FSTL4: variants seen among roughly 807,000 people sequenced by gnomAD.
The protein encoded by FSTL4 is follistatin like 4, also known as follistatin-related protein 4.
FSTL4 carries 28 observed loss-of-function variants against 78.2 expected under a neutral mutation model. The observed-to-expected ratio is 0.36, with a 90% CI of 0.27 to 0.49. The LOEUF (loss-of-function observed/expected upper bound fraction) is 0.49, where lower values mean the gene tolerates loss of function less well. Ranked by LOEUF, FSTL4 falls within the 20% of genes least tolerant of loss-of-function variation. FSTL4 has a pLI of 0.98. For missense variants in FSTL4, 922 were observed against 1,084.9 expected (o/e 0.85, Z 2.11); for synonymous variants, 422 against 440.5 (o/e 0.96, Z 0.53).
At chr5:133,404,554 G>A (rs953502103) in intron 3 of FSTL4, among the ~76,000 whole-genome samples, 10 of 152,252 alleles carry the variant, frequency 6.6e-5, no homozygotes, top group Middle Eastern at 3.4e-3. Flanking sequence ...ACATTATGGC[G>A]GCAGGAGAAA....
At position 133,461,575 on chromosome 5, in the gene FSTL4, C is replaced by T. The variant is rs31338; in HGVS notation, c.161-60589G>A. ...CAAACAAACAAACAAACAAACCCTCCGAATTAGCAAAGAAATTCTACGGAA... is the reference window on the plus strand; with the variant it reads ...CAAACAAACAAACAAACAAACCCTCTGAATTAGCAAAGAAATTCTACGGAA... On this transcript the variant is annotated intron_variant, in intron 3 of 15. Transcript: ENST00000265342. Among the ~76,000 whole-genome samples the T allele has an allele frequency of 9.5e-4, 144 of 152,026 alleles. 3 individuals are homozygous for T. In the South Asian group the frequency reaches 0.029, roughly 30 times the overall value.
chr5:133,334,675 A>G (rs1754425307), intron 4 of FSTL4, among the ~76,000 whole-genome samples: 1 of 152,220 alleles, frequency 6.6e-6, no homozygotes, highest in South Asian at 2.1e-4. Context: ...GAAAGACAGC[A>G]GTTGCTTTGA....
At chr5:133,449,738 T>C (rs1435114839) in intron 3 of FSTL4, among the ~76,000 whole-genome samples, 2 of 152,178 alleles carry the variant, frequency 1.3e-5, no homozygotes, top group African/African-American at 4.8e-5. Flanking sequence ...GTGTTCCCTG[T>C]TGGGTGCGCT....
chr5:133,814,868 GT>G, the FSTL4 span, among the ~76,000 whole-genome samples: 2 of 152,338 alleles, frequency 1.3e-5, no homozygotes, highest in South Asian at 4.2e-4. Context: ...GTTCTAAACT[GT>G]GCCCTAAGTG....
chr5:133,414,734 A>G (rs1259536940), intron 3 of FSTL4, among the ~76,000 whole-genome samples: 1 of 152,236 alleles, frequency 6.6e-6, no homozygotes, highest in Non-Finnish European at 1.5e-5. Flanking sequence ...TTCGAGGTAA[A>G]TACCGGGGTA....
chr5:133,313,555 C>A (rs987033825), intron 5 of FSTL4, among the ~76,000 whole-genome samples: 1 of 151,846 alleles, frequency 6.6e-6, no homozygotes, highest in Non-Finnish European at 1.5e-5. Flanking sequence ...CCAGTGTGCT[C>A]GGAACTGAAG....
intron 3 of FSTL4, among the ~76,000 whole-genome samples, chr5:133,467,733 A>G (rs1757745722): frequency 6.6e-6 from 1 of 152,076 alleles, no homozygotes; most frequent in African/African-American, 2.4e-5. Flanking sequence ...ACCCCGATGG[A>G]GCACACGGCT....
chr5:133,637,975 AATAAATT>A, the FSTL4 span, among the ~76,000 whole-genome samples: 1 of 151,118 alleles, frequency 6.6e-6, no homozygotes, highest in African/African-American at 2.4e-5. Context: ...TAATAATAAT[AATAAATT>A]AATTAATGGG....
chr5:133,396,854 A>G (rs187034322), intron 4 of FSTL4, among the ~76,000 whole-genome samples: 13 of 152,342 alleles, frequency 8.5e-5, no homozygotes, highest in African/African-American at 2.9e-4. Flanking sequence ...AGCCTGTAGT[A>G]TGTTTAATTT....
the FSTL4 span, among the ~76,000 whole-genome samples, chr5:133,688,400 G>A: frequency 1.8e-4 from 27 of 152,138 alleles, no homozygotes; most frequent in East Asian, 7.7e-4. Flanking sequence ...GTGACAGAAC[G>A]AGACTCCGTC....
At chr5:133,771,270 T>C in the FSTL4 span, among the ~76,000 whole-genome samples, 17 of 152,252 alleles carry the variant, frequency 1.1e-4, no homozygotes, top group African/African-American at 4.1e-4. Context: ...ACATTCATAA[T>C]TTGATAGGGG....
At chr5:133,809,168 C>A in the FSTL4 span, among the ~76,000 whole-genome samples, 1 of 151,956 alleles carries the variant, frequency 6.6e-6, no homozygotes, top group African/African-American at 2.4e-5. Context: ...GGGTTCGAGA[C>A]CGGCCTGGCC....
At chr5:133,424,884 A>T (rs1260075535) in intron 3 of FSTL4, among the ~76,000 whole-genome samples, 3 of 152,270 alleles carry the variant, frequency 2.0e-5, no homozygotes, top group Non-Finnish European at 4.4e-5. Flanking sequence ...TAAGGCACTT[A>T]GCATGGTTCC....
intron 3 of FSTL4, among the ~76,000 whole-genome samples, chr5:133,402,897 C>G (rs1326765735): frequency 6.6e-6 from 1 of 152,266 alleles, no homozygotes; most frequent in African/African-American, 2.4e-5. Flanking sequence ...TTCAGCGGCC[C>G]CTCTGCACGC....
chr5:133,460,430 G>T (rs1757570669), intron 3 of FSTL4, among the ~76,000 whole-genome samples: 1 of 152,192 alleles, frequency 6.6e-6, no homozygotes, highest in African/African-American at 2.4e-5. Flanking sequence ...TCTGCTCCTG[G>T]TCTTTTGCAG....
chr5:133,574,397 CAGTATGGAG>C (rs966167503), intron 2 of FSTL4, among the ~76,000 whole-genome samples: 6 of 152,224 alleles, frequency 3.9e-5, no homozygotes, highest in Non-Finnish European at 7.3e-5. Flanking sequence ...GTCTGAGTCC[CAGTATGGAG>C]AGGCTCCTCC....
rs1246721949 is a variant in FSTL4, at chr5:133,572,672, C to T, written c.127-5453G>A. Among the ~76,000 whole-genome samples the T allele has an allele frequency of 2.6e-5, 4 of 151,616 alleles. No homozygotes were observed. In the East Asian group the frequency reaches 7.7e-4, roughly 29 times the overall value. ...TCGGCTACTTAACACAACAATAATG[C>T]ACTGTAAGATAAAAATATTTGTAGA... On this transcript the variant is annotated intron_variant, in intron 2 of 15. Transcript: ENST00000265342.
intron 13 of FSTL4, among the ~76,000 whole-genome samples, chr5:133,214,829 G>A (rs1318135614): frequency 6.6e-6 from 1 of 152,160 alleles, no homozygotes; most frequent in Non-Finnish European, 1.5e-5. Context: ...GAAGAATTGT[G>A]GGAGTAGTTA....
intron 6 of FSTL4, among the ~76,000 whole-genome samples, chr5:133,309,699 G>A (rs1581608895): frequency 6.6e-6 from 1 of 152,136 alleles, no homozygotes; most frequent in African/African-American, 2.4e-5. Flanking sequence ...CTCAAAAACT[G>A]ATAAATACAA....
Sources: gnomAD v4.1 joint callset for allele counts (sites outside exome capture counted in the v4.1 genomes callset) on GRCh38, gnomAD v4.1.1 for gene constraint, MANE v1.5 for transcripts, NCBI Gene and HGNC (gene_info 2026-07-23, HGNC 2026-07-21) for gene names.